The following SND1 variants were observed in gnomAD, a reference collection of about 807,000 sequenced individuals.
SND1 encodes staphylococcal nuclease and tudor domain containing 1, also known as staphylococcal nuclease domain-containing protein 1.
In SND1, 38 loss-of-function variants were observed where a neutral mutation model predicts 121.7. The observed-to-expected ratio is 0.31, with a 90% CI of 0.24 to 0.41. The LOEUF is 0.41. Ranked by LOEUF, SND1 falls within the 10% of genes least tolerant of loss-of-function variation. The probability of loss-of-function intolerance (pLI) is 1.00; values close to 1 mark genes in which losing one functional copy is unlikely to be tolerated. For missense variants in SND1, 868 were observed against 1,184.6 expected (o/e 0.73, Z 3.92); for synonymous variants, 401 against 447.4 (o/e 0.90, Z 1.31).
intron 16 of SND1, among the ~76,000 whole-genome samples, chr7:128,059,660 A>G (rs1180870827): frequency 6.6e-6 from 1 of 152,216 alleles, no homozygotes; most frequent in South Asian, 2.1e-4. Context: ...CTGAACCACA[A>G]GCATCCTTCC....
At chr7:127,716,635 G>A (rs1184082973) in intron 9 of SND1, among the ~76,000 whole-genome samples, 2 of 152,006 alleles carry the variant, frequency 1.3e-5, no homozygotes, top group Non-Finnish European at 1.5e-5. Context: ...CGTCATCTGG[G>A]AACAGTGATA....
chr7:127,854,422 C>A (rs571871476), intron 12 of SND1, among the ~76,000 whole-genome samples: 1 of 152,128 alleles, frequency 6.6e-6, no homozygotes, highest in Non-Finnish European at 1.5e-5. Flanking sequence ...GCCACCACTC[C>A]GGCCAGGGCT....
chr7:128,058,819 G>C (rs989556842), intron 16 of SND1, among the ~76,000 whole-genome samples: 2 of 151,898 alleles, frequency 1.3e-5, no homozygotes, highest in Non-Finnish European at 2.9e-5. Flanking sequence ...GGTTCCTCTC[G>C]TTCCGTCCCT....
chr7:127,842,646 GTTATC>G (rs1416469104), intron 11 of SND1, among the ~76,000 whole-genome samples: 1 of 152,028 alleles, frequency 6.6e-6, no homozygotes, highest in Non-Finnish European at 1.5e-5. Flanking sequence ...CTTTGTAATT[GTTATC>G]TTGTTTGTTC....
intron 12 of SND1, among the ~76,000 whole-genome samples, chr7:127,849,113 G>T (rs546861718): frequency 1.0e-3 from 158 of 152,298 alleles, no homozygotes; most frequent in African/African-American, 3.0e-3. Context: ...CCTGGGTTGG[G>T]AATTAGCTGA....
In SND1 at chr7:127,694,808, A is replaced by G. The variant is rs777469646; in HGVS notation, c.229-20A>G. The stretch of plus-strand genomic sequence containing the variant: ...TGAAACTAGGCAGTTCTCATGTGAC[A>G]TATTTGTTTTGTCTTTCAGCCCTGG... On this transcript the variant is annotated intron_variant, in intron 2 of 23. Coordinates refer to ENST00000354725, the MANE Select transcript of SND1 (RefSeq NM_014390.4). The G allele has an allele frequency of 1.5e-5, 25 of 1,613,018 alleles. 1 individual carries two copies. In the East Asian group the frequency reaches 4.2e-4, roughly 27 times the overall value.
chr7:128,084,325 G>A (rs1793654007), intron 18 of SND1, among the ~76,000 whole-genome samples: 1 of 152,210 alleles, frequency 6.6e-6, no homozygotes, highest in African/African-American at 2.4e-5. Context: ...CAGGAATGGG[G>A]TACGGGCTGG....
intron 10 of SND1, among the ~76,000 whole-genome samples, chr7:127,742,576 A>G (rs1796901684): frequency 6.6e-6 from 1 of 150,762 alleles, no homozygotes; most frequent in South Asian, 2.1e-4. Context: ...AGGGTAGAAG[A>G]TATGGGCGGG....
At chr7:127,886,319 A>G (rs80024781) in intron 12 of SND1, among the ~76,000 whole-genome samples, 1 of 151,758 alleles carries the variant, frequency 6.6e-6, no homozygotes, top group Non-Finnish European at 1.5e-5. Flanking sequence ...AAAAAAAAAA[A>G]GCATGTTCTC....
At chr7:128,002,318 ATTAT>A (rs1802856160) in intron 16 of SND1, among the ~76,000 whole-genome samples, 1 of 152,164 alleles carries the variant, frequency 6.6e-6, no homozygotes, top group Non-Finnish European at 1.5e-5. Flanking sequence ...TTTGCAAAGG[ATTAT>A]TTATTTAAGT....
chr7:127,833,913 G>A (rs1431910675), intron 11 of SND1, among the ~76,000 whole-genome samples: 2 of 151,780 alleles, frequency 1.3e-5, no homozygotes, highest in Non-Finnish European at 2.9e-5. Context: ...CTAAGAATTT[G>A]ACTACTCTAG....
intron 16 of SND1, among the ~76,000 whole-genome samples, chr7:128,060,800 A>T: frequency 6.6e-6 from 1 of 152,182 alleles, no homozygotes; most frequent in East Asian, 1.9e-4. Context: ...AGCTGTTCTT[A>T]TTCAAGGGTG....
intron 2 of SND1, among the ~76,000 whole-genome samples, chr7:127,689,409 C>T (rs1178433130): frequency 6.6e-6 from 1 of 152,172 alleles, no homozygotes; most frequent in African/African-American, 2.4e-5. Flanking sequence ...TGGAGCTGAC[C>T]AAGTTCATTT....
chr7:127,941,956 G>A (rs1442528085), intron 15 of SND1, among the ~76,000 whole-genome samples: 1 of 147,436 alleles, frequency 6.8e-6, no homozygotes, highest in Non-Finnish European at 1.5e-5. Flanking sequence ...TACTGATTGG[G>A]AAGTGCTAAC....
chr7:127,862,977 T>C (rs1799406945), intron 12 of SND1, among the ~76,000 whole-genome samples: 2 of 152,244 alleles, frequency 1.3e-5, no homozygotes, highest in Non-Finnish European at 2.9e-5. Flanking sequence ...GTCTATATTT[T>C]GATTTTTTTC....
chr7:128,080,594 C>T (rs1213337416), intron 17 of SND1, among the ~76,000 whole-genome samples: 1 of 152,186 alleles, frequency 6.6e-6, no homozygotes, highest in Non-Finnish European at 1.5e-5. Context: ...TCAGAGTGCC[C>T]TGCAGAGTGC....
intron 15 of SND1, among the ~76,000 whole-genome samples, chr7:127,946,209 A>G (rs916073263): frequency 1.3e-5 from 2 of 152,320 alleles, no homozygotes; most frequent in South Asian, 4.1e-4. Flanking sequence ...GATGACACCA[A>G]TAGGAACATA....
intron 16 of SND1, among the ~76,000 whole-genome samples, chr7:128,006,556 G>A (rs1390528100): frequency 2.0e-5 from 3 of 152,256 alleles, no homozygotes; most frequent in Non-Finnish European, 4.4e-5. Context: ...GAGGGAAGTT[G>A]GCACTGACTA....
In SND1 at chr7:127,990,919, C is replaced by G. The variant is rs1372477872; in HGVS notation, c.1670-28C>G. 3.2e-6 allele frequency: 5 copies of G among 1,566,824 alleles called. No homozygotes were observed. In the Admixed American group the frequency reaches 8.6e-5, roughly 27 times the overall value. On this transcript the variant is annotated intron_variant, in intron 15 of 23. Coordinates refer to ENST00000354725, the MANE Select transcript of SND1 (RefSeq NM_014390.4). ...GCAAGCCTAGTGGGCACCTTTTCATCACAGATTCTACTTTTCTCCTGACAC... is the reference window on the plus strand; with the variant it reads ...GCAAGCCTAGTGGGCACCTTTTCATGACAGATTCTACTTTTCTCCTGACAC...
Sources: allele counts gnomAD v4.1 joint callset (sites outside exome capture counted in the v4.1 genomes callset), GRCh38; gene constraint gnomAD v4.1.1; transcripts MANE v1.5; gene names NCBI Gene and HGNC (gene_info 2026-07-23, HGNC 2026-07-21).